PGR: variants seen among roughly 807,000 people sequenced by gnomAD.
PGR encodes the protein progesterone receptor, also known as nuclear receptor subfamily 3 group C member 3.
PGR carries 25 observed loss-of-function variants against 76.1 expected under a neutral mutation model. The observed-to-expected ratio is 0.33, with a 90% CI of 0.24 to 0.46. The LOEUF (loss-of-function observed/expected upper bound fraction) is 0.46. Among genes scored for constraint, PGR ranks in the 20% least tolerant of loss-of-function variants. The pLI, the probability that PGR is intolerant of heterozygous loss-of-function variation, is 1.00. For synonymous variants in PGR, 579 were observed against 535.0 expected (o/e 1.08, Z -1.14); for missense variants, 1,172 against 1,225.3 (o/e 0.96, Z 0.65).
At chr11:101,065,754 A>T (rs1860690846) in intron 3 of PGR, among the ~76,000 whole-genome samples, 2 of 151,982 alleles carry the variant, frequency 1.3e-5, no homozygotes, top group South Asian at 4.1e-4. Flanking sequence ...GGCTGGAAGG[A>T]GGGAAGATTT....
intron 3 of PGR, among the ~76,000 whole-genome samples, chr11:101,085,713 GAA>G (rs1449456652): frequency 6.6e-6 from 1 of 151,408 alleles, no homozygotes; most frequent in Non-Finnish European, 1.5e-5. Flanking sequence ...CATTAACAAA[GAA>G]AAAAAGAGAG....
chr11:101,125,970 T>C (rs774065309), intron 2 of PGR, 37 bp downstream of exon 2: 3 of 1,587,500 alleles, frequency 1.9e-6, no homozygotes, highest in Non-Finnish European at 2.6e-6. Flanking sequence ...CATTTACAAT[T>C]AAACCAATAA....
chr11:101,101,929 T>C (rs773376729), intron 2 of PGR, among the ~76,000 whole-genome samples: 5 of 152,170 alleles, frequency 3.3e-5, no homozygotes, highest in Non-Finnish European at 7.4e-5. Context: ...TTTAAGCACA[T>C]AAGGGGGTCA....
At chr11:101,106,826 C>G (rs576888123) in intron 2 of PGR, among the ~76,000 whole-genome samples, 8 of 152,174 alleles carry the variant, frequency 5.3e-5, no homozygotes, top group African/African-American at 9.7e-5. Context: ...AAATGTCCAT[C>G]AATGACAGAC....
In PGR at chr11:101,036,069, G is replaced by GAGA. The variant is rs1859506641; in HGVS notation, c.*3044_*3046dup. The GAGA allele has an allele frequency of 4.5e-6, 1 of 221,758 alleles. No homozygotes were observed. Among genetic ancestry groups the GAGA allele is most frequent in the South Asian group, 1.8e-4 (1 of 5,434 alleles). 13.7% of individuals were successfully genotyped at this position (221,758 alleles called of 1,614,324 possible). On this transcript the variant is annotated 3_prime_UTR_variant, in exon 8 of 8. Coordinates refer to ENST00000325455, the MANE Select transcript of PGR (RefSeq NM_000926.4). ...AATCTCATCCAGCTAGTAAGTGGCA[G>GAGA]AGAAGGGGGGCACAGTCCTATGTCA...
chr11:101,041,493 A>G (rs1164097437), intron 7 of PGR, among the ~76,000 whole-genome samples: 3 of 152,112 alleles, frequency 2.0e-5, no homozygotes, highest in African/African-American at 7.2e-5. Context: ...GATAAATCCT[A>G]AAAAATAGAA....
intron 4 of PGR, among the ~76,000 whole-genome samples, chr11:101,060,610 T>A (rs897280699): frequency 3.9e-5 from 6 of 152,180 alleles, no homozygotes; most frequent in African/African-American, 1.4e-4. Flanking sequence ...AAATAGTCAC[T>A]CTAGCTCACT....
intron 2 of PGR, among the ~76,000 whole-genome samples, chr11:101,119,101 CA>C (rs1862596173): frequency 6.6e-6 from 1 of 152,156 alleles, no homozygotes; most frequent in Non-Finnish European, 1.5e-5. Flanking sequence ...ATAGGGTTCT[CA>C]CTCTTATGAG....
chr11:101,053,803 T>C (rs1287814595), intron 4 of PGR, among the ~76,000 whole-genome samples: 1 of 151,368 alleles, frequency 6.6e-6, no homozygotes. Context: ...CCTTCTTTCC[T>C]TCCCTCCTTC....
chr11:101,128,490 T>C lies in PGR; in HGVS notation c.581A>G (p.Gln194Arg). Residue 194 changes from glutamine to arginine, a missense_variant, in exon 1 of 8, where the codon CAG becomes CGG. Transcript: ENST00000325455. ...VLPRGLSPAR[Q>R]LLLPASESPH... ...GCTCTCAGAGGCCGGGAGCAGCAGC[T>C]GCCGGGCTGGTGACAGGCCCCGGGG... 1 of 1,606,396 alleles carries C rather than the reference T, an allele frequency of 6.2e-7. No individual in the cohort carries two copies. The highest frequency in any genetic ancestry group is 8.5e-7 in the Non-Finnish European group (1 of 1,178,962).
chr11:101,078,204 G>C (rs1240810757), intron 3 of PGR, among the ~76,000 whole-genome samples: 2 of 152,054 alleles, frequency 1.3e-5, no homozygotes, highest in African/African-American at 4.8e-5. Flanking sequence ...AGGAGGTAGG[G>C]GGAGAAGGAG....
chr11:101,039,072 A>G lies in PGR; in HGVS notation c.*44T>C. On this transcript the variant is annotated 3_prime_UTR_variant, in exon 8 of 8. Coordinates refer to ENST00000325455, the MANE Select transcript of PGR (RefSeq NM_000926.4). ...CCTCATAATCCTGACCAAAACAAAA[A>G]GACATACCACAAAATTTAATTCTTT... 6.5e-7 allele frequency: 1 copy of G among 1,528,660 alleles called. No individual in the cohort carries two copies. Among genetic ancestry groups the G allele is most frequent in the Non-Finnish European group, 9.1e-7 (1 of 1,104,364 alleles). The allele number at this position is 1,528,660 out of a possible 1,614,324, so 94.7% of individuals were successfully genotyped here. A position where few individuals can be genotyped will look rare whatever the true frequency, so the allele number is the denominator to read the frequency against.
At chr11:101,044,417 AT>A (rs1859793487) in intron 6 of PGR, among the ~76,000 whole-genome samples, 1 of 152,082 alleles carries the variant, frequency 6.6e-6, no homozygotes, top group Admixed American at 6.6e-5. Flanking sequence ...GGCTGGTTTG[AT>A]CTTCTATTCA....
intron 3 of PGR, among the ~76,000 whole-genome samples, chr11:101,086,364 GA>G (rs1861500748): frequency 1.3e-5 from 2 of 152,060 alleles, no homozygotes; most frequent in African/African-American, 4.8e-5. Flanking sequence ...AATAGACACA[GA>G]AACAGCTTTC....
chr11:101,106,845 G>A (rs1862177677), intron 2 of PGR, among the ~76,000 whole-genome samples: 1 of 152,184 alleles, frequency 6.6e-6, no homozygotes, highest in South Asian at 2.1e-4. Flanking sequence ...ACTGGATTAA[G>A]CAAATGTGGC....
At chr11:101,099,087 C>T (rs1009368574) in intron 2 of PGR, among the ~76,000 whole-genome samples, 7 of 152,062 alleles carry the variant, frequency 4.6e-5, no homozygotes, top group Non-Finnish European at 1.0e-4. Context: ...CAGGTGTGTC[C>T]ACATGCAAAA....
intron 2 of PGR, among the ~76,000 whole-genome samples, chr11:101,102,971 G>A (rs1449488791): frequency 2.0e-5 from 3 of 151,782 alleles, no homozygotes; most frequent in South Asian, 2.1e-4. Flanking sequence ...CCTGGCACGC[G>A]CAGTTTGCAA....
At chr11:101,107,971 T>A (rs544941602) in intron 2 of PGR, among the ~76,000 whole-genome samples, 2 of 151,912 alleles carry the variant, frequency 1.3e-5, no homozygotes, top group Non-Finnish European at 2.9e-5. Flanking sequence ...AGATTTGAAC[T>A]GGCCAGGTGC....
Position 101,128,199 on chromosome 11 carries a change from G to T in PGR, c.872C>A (p.Pro291His). Residue 291 changes from proline to histidine, a missense_variant, in exon 1 of 8, where the codon CCC becomes CAC. This residue lies in a region of PGR where 893 missense variants were observed against 785.9 expected (regional missense o/e 1.14). Transcript: ENST00000325455. ...CGTGGTGGCCAGCGGGGAGCGCCCG[G>T]GCGCCATCGGCGCGTCCTGCTCCAC... is the stretch of plus-strand genomic sequence containing the variant. ...ALVEQDAPMAPGRSPLATTVM... is the reference protein window; with the variant it reads ...ALVEQDAPMAHGRSPLATTVM... 1 of 1,598,240 alleles carries T rather than the reference G, an allele frequency of 6.3e-7. No homozygotes were observed.
Sources: allele counts gnomAD v4.1 joint callset (sites outside exome capture counted in the v4.1 genomes callset), GRCh38; gene constraint gnomAD v4.1.1; regional missense constraint gnomAD v4.1.1; transcripts MANE v1.5; gene names NCBI Gene and HGNC (gene_info 2026-07-23, HGNC 2026-07-21).